The following DPP6 variants were observed in gnomAD, a reference collection of about 807,000 sequenced individuals.
The protein encoded by DPP6 is A-type potassium channel modulatory protein DPP6.
A neutral mutation model predicts 122.6 loss-of-function variants in DPP6; 69 were observed. The ratio of observed to expected loss-of-function variants is 0.56; its 90% CI spans 0.46 to 0.69. The LOEUF is 0.69. Among genes scored for constraint, DPP6 ranks in the 30% least tolerant of loss-of-function variants. The probability of loss-of-function intolerance (pLI) is 0.00; values close to 1 mark genes in which losing one functional copy is unlikely to be tolerated. For missense variants in DPP6, 928 were observed against 1,116.9 expected (o/e 0.83, Z 2.41); for synonymous variants, 418 against 433.1 (o/e 0.97, Z 0.43).
chr7:154,187,909 G>A (rs1585584362), intron 1 of DPP6, among the ~76,000 whole-genome samples: 2 of 152,222 alleles, frequency 1.3e-5, no homozygotes, highest in East Asian at 1.9e-4. Context: ...GATGAGGCCC[G>A]GGATATCAAT....
chr7:154,061,371 A>G (rs1801844410), intron 1 of DPP6, among the ~76,000 whole-genome samples: 2 of 147,370 alleles, frequency 1.4e-5, no homozygotes, highest in African/African-American at 2.5e-5. Flanking sequence ...GAGAGAAAAG[A>G]TGGCAGCTGG....
chr7:154,505,331 T>C (rs1825581981), intron 3 of DPP6, among the ~76,000 whole-genome samples: 1 of 152,234 alleles, frequency 6.6e-6, no homozygotes. Context: ...CATTTTCCCC[T>C]ATTATTATCA....
rs963006188 is a variant in DPP6, at chr7:154,755,601, G to C, written c.884-13816G>C. 5.9e-4 allele frequency among the ~76,000 whole-genome samples: 90 copies of C among 152,254 alleles called. No individual in the cohort carries two copies. The highest frequency in any genetic ancestry group is 2.0e-3 in the African/African-American group (82 of 41,544). ...TTAGAGCCGGCTTGGCGTGTGCTGG[G>C]TGCTCACCGACTGCTGGGTGTGGCC... On this transcript the variant is annotated intron_variant, in intron 8 of 25. Transcript: ENST00000377770. The surrounding 1 kb of genome is among the most constrained non-coding windows in gnomAD (Gnocchi z 4.7).
At chr7:154,270,539 TC>T (rs1250944321) in intron 1 of DPP6, among the ~76,000 whole-genome samples, 15 of 152,100 alleles carry the variant, frequency 9.9e-5, no homozygotes, top group Non-Finnish European at 1.5e-4. Context: ...AGGTGCCATG[TC>T]CCCCAGAGGA....
intron 7 of DPP6, among the ~76,000 whole-genome samples, chr7:154,671,160 G>A (rs1174929181): frequency 6.6e-6 from 1 of 152,216 alleles, no homozygotes; most frequent in African/African-American, 2.4e-5. Flanking sequence ...ATGCGCAACT[G>A]AATCTCTAAT....
At chr7:154,118,347 T>C (rs1171566223) in intron 1 of DPP6, among the ~76,000 whole-genome samples, 1 of 149,150 alleles carries the variant, frequency 6.7e-6, no homozygotes, top group Non-Finnish European at 1.5e-5. Context: ...TAGACACCCG[T>C]AGGTCTTAGG....
At chr7:154,828,909 T>C (rs1191987987) in intron 16 of DPP6, among the ~76,000 whole-genome samples, 6 of 152,246 alleles carry the variant, frequency 3.9e-5, no homozygotes, top group Non-Finnish European at 8.8e-5. Flanking sequence ...TTTTCAGCCC[T>C]ACTTTCAATT....
chr7:153,964,968 C>CTCT (rs1795602465), intron 1 of DPP6, among the ~76,000 whole-genome samples: 1 of 103,414 alleles, frequency 9.7e-6, no homozygotes, highest in African/African-American at 5.0e-5. Context: ...TTCTTTCTTT[C>CTCT]ATTTCTTTTC....
At chr7:153,892,362 GGAA>G (rs1799239240) in intron 1 of DPP6, among the ~76,000 whole-genome samples, 1 of 151,960 alleles carries the variant, frequency 6.6e-6, no homozygotes, top group Non-Finnish European at 1.5e-5. Context: ...CTCCCAGGCT[GGAA>G]TGCAGTGGCA....
intron 1 of DPP6, among the ~76,000 whole-genome samples, chr7:154,298,229 C>A (rs900480704): frequency 1.3e-5 from 2 of 150,024 alleles, no homozygotes; most frequent in African/African-American, 4.9e-5. Flanking sequence ...TCTGCCAGCC[C>A]CCACAATCCA....
At chr7:153,783,445 C>A in the DPP6 span, among the ~76,000 whole-genome samples, 1 of 152,174 alleles carries the variant, frequency 6.6e-6, no homozygotes, top group Non-Finnish European at 1.5e-5. Context: ...CAATTACCTC[C>A]ACCTGGTCTC....
chr7:154,224,185 G>A (rs1487025269), intron 1 of DPP6, among the ~76,000 whole-genome samples: 1 of 148,738 alleles, frequency 6.7e-6, no homozygotes, highest in African/African-American at 2.6e-5. Context: ...GAGAGAAATG[G>A]ACAACGTTAA....
At chr7:154,371,448 G>T (rs1285507486) in intron 1 of DPP6, among the ~76,000 whole-genome samples, 3 of 149,618 alleles carry the variant, frequency 2.0e-5, no homozygotes, top group African/African-American at 7.4e-5. Context: ...AAAAAATGTT[G>T]CAGTGAAAAA....
At chr7:154,581,439 C>G (rs368721186) in intron 5 of DPP6, among the ~76,000 whole-genome samples, 1 of 152,118 alleles carries the variant, frequency 6.6e-6, no homozygotes, top group Non-Finnish European at 1.5e-5. Flanking sequence ...TCCCACACAC[C>G]CTGATGCAAC....
rs1485278789 is a variant in DPP6 at position 154,086,356 on chromosome 7, C to T, written c.243+33293C>T. Among the ~76,000 whole-genome samples the T allele has an allele frequency of 1.6e-3, 239 of 147,258 alleles. 1 individual carries two copies. The highest frequency in any genetic ancestry group is 5.8e-3 in the African/African-American group (229 of 39,626). On this transcript the variant is annotated intron_variant, in intron 1 of 25. Transcript: ENST00000377770. ...GTATAGAGGCTGCAGGTGTGTTTTT[C>T]CTTGGCTTTCATGCTGTGCTGGCCC...
chr7:154,329,323 C>G (rs552181175), intron 1 of DPP6, among the ~76,000 whole-genome samples: 224 of 152,376 alleles, frequency 1.5e-3, no homozygotes, highest in African/African-American at 5.2e-3. Flanking sequence ...GTTGCTGTCG[C>G]AGTCTTAAAA....
At chr7:154,412,113 G>T (rs286848) in intron 1 of DPP6, among the ~76,000 whole-genome samples, 1 of 151,934 alleles carries the variant, frequency 6.6e-6, no homozygotes, top group Non-Finnish European at 1.5e-5. Context: ...AGCTCTGTGG[G>T]GTCTCTTTTA....
chr7:154,360,236 C>T (rs1811617806), intron 1 of DPP6, among the ~76,000 whole-genome samples: 2 of 152,148 alleles, frequency 1.3e-5, no homozygotes, highest in African/African-American at 4.8e-5. Context: ...GCCTGAGGAG[C>T]TATCAAAGAG....
At chr7:154,157,823 C>T (rs1796763312) in intron 1 of DPP6, among the ~76,000 whole-genome samples, 2 of 151,986 alleles carry the variant, frequency 1.3e-5, no homozygotes, top group South Asian at 4.2e-4. Context: ...ATCCCAACTA[C>T]TCAGGAGTCT....
Sources: allele counts gnomAD v4.1 joint callset (sites outside exome capture counted in the v4.1 genomes callset), GRCh38; gene constraint gnomAD v4.1.1; non-coding constraint Gnocchi (gnomAD v3.1); transcripts MANE v1.5; gene names NCBI Gene and HGNC (gene_info 2026-07-23, HGNC 2026-07-21).